MACROD2: variants seen among roughly 807,000 people sequenced by gnomAD.
MACROD2 encodes ADP-ribose glycohydrolase MACROD2.
In MACROD2, 36 loss-of-function variants were observed where a neutral mutation model predicts 70.4. That is an observed-to-expected ratio of 0.51 (90% CI 0.39 to 0.68). MACROD2 has a LOEUF of 0.68. Among genes scored for constraint, MACROD2 ranks in the 30% least tolerant of loss-of-function variants. The probability of loss-of-function intolerance (pLI) is 0.00; values close to 1 mark genes in which losing one functional copy is unlikely to be tolerated. For missense variants in MACROD2, 496 were observed against 538.4 expected, an observed-to-expected ratio of 0.92 and a Z score of 0.78; for synonymous variants, 172 against 178.8, an observed-to-expected ratio of 0.96 and a Z score of 0.30.
intron 3 of MACROD2, among the ~76,000 whole-genome samples, chr20:14,410,197 G>A (rs1483942976): frequency 6.7e-6 from 1 of 148,466 alleles, no homozygotes; most frequent in Non-Finnish European, 1.5e-5. Context: ...GGTTGGAGGT[G>A]AGGCCCAGAG....
At position 15,273,036 on chromosome 20, in the gene MACROD2, A is replaced by G. The variant is rs147937299; in HGVS notation, c.540+42975A>G. Among the ~76,000 whole-genome samples, 16 of 152,228 alleles carry G rather than the reference A, an allele frequency of 1.1e-4. No homozygotes were observed. In the East Asian group the frequency reaches 3.1e-3, roughly 29 times the overall value. On this transcript the variant is annotated intron_variant, in intron 6 of 17. Transcript: ENST00000684519. ...GAGATTCTAAAAATTAAACTTCCCT[A>G]CTGGGATGGGTAATACTGAGTGTCA... is the stretch of plus-strand genomic sequence containing the variant.
At chr20:15,653,299 AAAGATGAG>A (rs1415625699) in intron 8 of MACROD2, among the ~76,000 whole-genome samples, 2 of 152,238 alleles carry the variant, frequency 1.3e-5, no homozygotes, top group Non-Finnish European at 1.5e-5. Flanking sequence ...TGGATGATAC[AAAGATGAG>A]AAGCACATGA....
In MACROD2 at chr20:14,133,755, C is replaced by A. The variant is rs116178735; in HGVS notation, c.271+48027C>A. ...TATCTGTATTTTGCATACTGTGGTG[C>A]TACTCAGATATCCCTTCTATGAAAG... On this transcript the variant is annotated intron_variant, in intron 3 of 17. Coordinates refer to ENST00000684519, the MANE Select transcript of MACROD2 (RefSeq NM_001351661.2). 3.0e-3 allele frequency among the ~76,000 whole-genome samples: 452 copies of A among 152,284 alleles called. 2 individuals are homozygous for A. The highest frequency in any genetic ancestry group is 0.01 in the African/African-American group (426 of 41,562).
At chr20:14,436,355 T>C (rs2084056294) in intron 3 of MACROD2, among the ~76,000 whole-genome samples, 1 of 152,218 alleles carries the variant, frequency 6.6e-6, no homozygotes, top group Non-Finnish European at 1.5e-5. Flanking sequence ...TTCCATATCA[T>C]GAAGCCGATT....
At chr20:14,947,085 A>G (rs958110370) in intron 5 of MACROD2, among the ~76,000 whole-genome samples, 2 of 152,114 alleles carry the variant, frequency 1.3e-5, no homozygotes, top group African/African-American at 2.4e-5. Context: ...TTATCTCCCA[A>G]ATATCCCTTT....
chr20:14,134,963 C>G (rs1230602024), intron 3 of MACROD2, among the ~76,000 whole-genome samples: 1 of 151,916 alleles, frequency 6.6e-6, no homozygotes, highest in African/African-American at 2.4e-5. Context: ...GTAATGGCAA[C>G]AAAGTTAAAC....
chr20:15,941,839 A>G (rs1238716447), intron 12 of MACROD2, among the ~76,000 whole-genome samples: 1 of 152,110 alleles, frequency 6.6e-6, no homozygotes, highest in Non-Finnish European at 1.5e-5. Flanking sequence ...TTCTCTTTCT[A>G]ATAAAACTCC....
intron 7 of MACROD2, among the ~76,000 whole-genome samples, chr20:15,453,783 A>G (rs2046677008): frequency 2.0e-5 from 3 of 152,306 alleles, no homozygotes; most frequent in East Asian, 3.9e-4. Context: ...AGCACCATGC[A>G]TGTTCACCAA....
chr20:15,637,142 A>AG (rs767546554), intron 8 of MACROD2, among the ~76,000 whole-genome samples: 17 of 152,218 alleles, frequency 1.1e-4, no homozygotes, highest in Non-Finnish European at 2.4e-4. Context: ...ACTGGAGCTC[A>AG]GGGACACCAT....
chr20:15,211,118 C>T (rs1172711213), intron 5 of MACROD2, among the ~76,000 whole-genome samples: 1 of 152,162 alleles, frequency 6.6e-6, no homozygotes, highest in African/African-American at 2.4e-5. Context: ...TTCCCCACTC[C>T]TTGACAACCA....
intron 5 of MACROD2, among the ~76,000 whole-genome samples, chr20:15,077,834 C>CAT (rs1228593195): frequency 1.3e-5 from 2 of 152,074 alleles, no homozygotes; most frequent in East Asian, 3.9e-4. Context: ...CTAGAGGGAC[C>CAT]ATAGCAGGGA....
chr20:15,051,725 CACAT>C (rs1189850565), intron 5 of MACROD2, among the ~76,000 whole-genome samples: 3 of 151,266 alleles, frequency 2.0e-5, no homozygotes, highest in Non-Finnish European at 4.4e-5. Context: ...GCCAAATTGA[CACAT>C]ACAACTAGCC....
At chr20:15,754,063 A>G (rs535794194) in intron 8 of MACROD2, among the ~76,000 whole-genome samples, 3 of 152,346 alleles carry the variant, frequency 2.0e-5, no homozygotes, top group African/African-American at 7.2e-5. Flanking sequence ...TGAATGACTC[A>G]TGTAATAGTT....
intron 12 of MACROD2, among the ~76,000 whole-genome samples, chr20:15,941,420 A>G (rs1043497818): frequency 1.3e-5 from 2 of 152,150 alleles, no homozygotes; most frequent in African/African-American, 2.4e-5. Flanking sequence ...TTATCAGTTC[A>G]GAGCTTAGAC....
rs150562335 is a variant in MACROD2, at chr20:15,140,648, G to A, written c.419-89292G>A. Reference sequence around the variant, plus strand: ...ACTGTGATGTTCTCTTTTCAGAAGTGAGGCTGGGCTGGCAATAGCTGGCTG... The same window carrying A: ...ACTGTGATGTTCTCTTTTCAGAAGTAAGGCTGGGCTGGCAATAGCTGGCTG... On this transcript the variant is annotated intron_variant, in intron 5 of 17. Coordinates refer to ENST00000684519, the MANE Select transcript of MACROD2 (RefSeq NM_001351661.2). Among the ~76,000 whole-genome samples the A allele has an allele frequency of 1.9e-4, 29 of 152,254 alleles. No individual in the cohort carries two copies. In the East Asian group the frequency reaches 5.6e-3, roughly 29 times the overall value.
intron 8 of MACROD2, among the ~76,000 whole-genome samples, chr20:15,847,522 A>G (rs151178972): frequency 6.6e-6 from 1 of 152,348 alleles, no homozygotes; most frequent in East Asian, 1.9e-4. Flanking sequence ...TGTAACTGGC[A>G]TTGGAAACAT....
chr20:14,478,734 C>G (rs2123065064), intron 3 of MACROD2, among the ~76,000 whole-genome samples: 1 of 152,066 alleles, frequency 6.6e-6, no homozygotes, highest in East Asian at 1.9e-4. Flanking sequence ...TATTTAAATC[C>G]CTTATTTTAG....
intron 5 of MACROD2, among the ~76,000 whole-genome samples, chr20:15,161,627 T>C (rs2076349138): frequency 6.6e-6 from 1 of 151,924 alleles, no homozygotes; most frequent in South Asian, 2.1e-4. Context: ...GATTTTCTTC[T>C]AAAAAACACC....
At chr20:14,008,015 A>G (rs2052846396) in intron 2 of MACROD2, among the ~76,000 whole-genome samples, 1 of 152,232 alleles carries the variant, frequency 6.6e-6, no homozygotes, top group Non-Finnish European at 1.5e-5. Context: ...TGATAATACC[A>G]TACTGAATGG....
Sources: allele counts gnomAD v4.1 joint callset (sites outside exome capture counted in the v4.1 genomes callset), GRCh38; gene constraint gnomAD v4.1.1; transcripts MANE v1.5; gene names NCBI Gene and HGNC (gene_info 2026-07-23, HGNC 2026-07-21).